Variants in MKLN1 observed in about 807,000 individuals in gnomAD.
The protein encoded by MKLN1 is muskelin.
In MKLN1, 18 loss-of-function variants were observed where a neutral mutation model predicts 99.0. The observed-to-expected ratio is 0.18, with a 90% CI of 0.13 to 0.27. The LOEUF (loss-of-function observed/expected upper bound fraction) is 0.27. MKLN1 is among the 10% of genes least tolerant of loss of function. The probability of loss-of-function intolerance (pLI) is 1.00; values close to 1 mark genes in which losing one functional copy is unlikely to be tolerated. For missense variants in MKLN1, 621 were observed against 875.9 expected (o/e 0.71, Z 3.67); for synonymous variants, 288 against 293.2 (o/e 0.98, Z 0.18).
intron 3 of MKLN1, among the ~76,000 whole-genome samples, chr7:131,214,300 G>A (rs1301729663): frequency 1.3e-5 from 2 of 152,136 alleles, no homozygotes; most frequent in Admixed American, 6.6e-5. Flanking sequence ...GTTTTGGCAC[G>A]GGCTTCTGTT....
At chr7:131,217,246 A>G (rs1796995965) in intron 3 of MKLN1, among the ~76,000 whole-genome samples, 2 of 152,252 alleles carry the variant, frequency 1.3e-5, no homozygotes, top group African/African-American at 2.4e-5. Flanking sequence ...TAAGAAGTAT[A>G]AAAATAAATT....
At chr7:131,383,544 A>G (rs1435166603) in intron 2 of MKLN1, among the ~76,000 whole-genome samples, 1 of 152,220 alleles carries the variant, frequency 6.6e-6, no homozygotes, top group Admixed American at 6.5e-5. Flanking sequence ...ATGAGAAATC[A>G]TGAACCACTG....
At chr7:131,482,120 A>G (rs776990607) in intron 17 of MKLN1, among the ~76,000 whole-genome samples, 1 of 152,218 alleles carries the variant, frequency 6.6e-6, no homozygotes, top group Non-Finnish European at 1.5e-5. Flanking sequence ...AATTGGAGCA[A>G]TTAAACTTAT....
intron 3 of MKLN1, among the ~76,000 whole-genome samples, chr7:131,283,712 A>G (rs1323326830): frequency 6.6e-6 from 1 of 151,918 alleles, no homozygotes; most frequent in Admixed American, 6.6e-5. Flanking sequence ...CTGGGATAAC[A>G]GGCGTGTGCC....
At chr7:131,159,124 T>C (rs1584798301) in intron 2 of MKLN1, among the ~76,000 whole-genome samples, 1 of 151,480 alleles carries the variant, frequency 6.6e-6, no homozygotes, top group South Asian at 2.1e-4. Context: ...AGCCCGGAGG[T>C]GGAGGTTGCA....
chr7:131,192,118 T>C (rs1482005533), intron 2 of MKLN1, among the ~76,000 whole-genome samples: 2 of 84,602 alleles, frequency 2.4e-5, no homozygotes, highest in Admixed American at 3.3e-4. Context: ...ATTATATATA[T>C]ACGTATATAT....
intron 1 of MKLN1, among the ~76,000 whole-genome samples, chr7:131,348,963 T>C (rs576210288): frequency 2.0e-4 from 31 of 152,176 alleles, no homozygotes; most frequent in Non-Finnish European, 4.3e-4. Flanking sequence ...ATTTAGATTC[T>C]GAAGGTATTT....
chr7:131,388,957 C>T lies in MKLN1; in HGVS notation c.385C>T (p.Arg129Ter). ...AATTGATGAACAGATGTTCCCTTGT[C>T]GATTCATTAAAATAGGTAAGATTTT... is the stretch of plus-strand genomic sequence containing the variant. ...HKIDEQMFPCRFIKIVPLLSW... is the reference protein window; with the variant it reads ...HKIDEQMFPC The change falls in exon 4 of 18, where the codon CGA becomes TGA. Residue 129 changes from arginine to a stop codon, truncating the protein, a stop_gained. Coordinates refer to ENST00000352689, the MANE Select transcript of MKLN1 (RefSeq NM_013255.5). LOFTEE classifies it high-confidence loss of function. 6.2e-7 allele frequency: 1 copy of T among 1,601,782 alleles called. No homozygotes were observed. Among genetic ancestry groups the T allele is most frequent in the Non-Finnish European group, 8.5e-7 (1 of 1,172,148 alleles).
intron 1 of MKLN1, among the ~76,000 whole-genome samples, chr7:131,116,038 G>T (rs1325800268): frequency 6.6e-6 from 1 of 152,308 alleles, no homozygotes; most frequent in East Asian, 1.9e-4. Context: ...GGGCACGGTG[G>T]CTCACGCCTG....
chr7:131,307,406 C>T (rs1258783746), intron 3 of MKLN1, among the ~76,000 whole-genome samples: 1 of 152,136 alleles, frequency 6.6e-6, no homozygotes, highest in Non-Finnish European at 1.5e-5. Flanking sequence ...GACAACCATC[C>T]TCCAGGCCCC....
chr7:131,485,332 G>A (rs971772483), intron 17 of MKLN1, among the ~76,000 whole-genome samples: 1 of 152,042 alleles, frequency 6.6e-6, no homozygotes, highest in Non-Finnish European at 1.5e-5. Flanking sequence ...GGGAGGAGGG[G>A]AAGAAACAGC....
chr7:131,443,454 A>G (rs776929239), intron 10 of MKLN1, 27 bp from the exon 11 acceptor site: 2 of 1,507,130 alleles, frequency 1.3e-6, no homozygotes, highest in African/African-American at 1.4e-5. Context: ...AACTAAAACT[A>G]TTCAATCTGT....
intron 7 of MKLN1, 71 bp downstream of exon 7, chr7:131,411,454 C>A (rs1794871948): frequency 1.9e-6 from 2 of 1,026,128 alleles, no homozygotes; most frequent in African/African-American, 1.6e-5. Context: ...CAAGGTAGTT[C>A]AAGTATCATA....
At chr7:131,386,132 G>C (rs1430116407) in intron 2 of MKLN1, among the ~76,000 whole-genome samples, 1 of 151,288 alleles carries the variant, frequency 6.6e-6, no homozygotes, top group Admixed American at 6.6e-5. Flanking sequence ...TCCTGCCTCA[G>C]CCTCCTGAGT....
chr7:131,366,088 C>T (rs1038969633), intron 1 of MKLN1, among the ~76,000 whole-genome samples: 5 of 152,118 alleles, frequency 3.3e-5, no homozygotes, highest in Non-Finnish European at 7.4e-5. Flanking sequence ...CTGATTACAG[C>T]TGAAAGAAAT....
At chr7:131,345,713 CA>C (rs200720849) in intron 1 of MKLN1, among the ~76,000 whole-genome samples, 3 of 148,060 alleles carry the variant, frequency 2.0e-5, no homozygotes, top group African/African-American at 5.0e-5. Flanking sequence ...GACTGTGTCT[CA>C]AAAAAAAAAT....
At chr7:131,381,179 A>C (rs1793836287) in intron 2 of MKLN1, among the ~76,000 whole-genome samples, 1 of 152,174 alleles carries the variant, frequency 6.6e-6, no homozygotes, top group Non-Finnish European at 1.5e-5. Flanking sequence ...ACTACTTTGG[A>C]AGAAGCTTAT....
intron 1 of MKLN1, among the ~76,000 whole-genome samples, chr7:131,142,253 A>G (rs899636454): frequency 1.1e-4 from 17 of 152,104 alleles, no homozygotes; most frequent in Non-Finnish European, 2.2e-4. Flanking sequence ...TAAAAATACA[A>G]GAAACACATT....
chr7:131,384,607 G>C (rs188421548), intron 2 of MKLN1, among the ~76,000 whole-genome samples: 6 of 152,260 alleles, frequency 3.9e-5, no homozygotes, highest in African/African-American at 1.4e-4. Context: ...TAAAGCCATC[G>C]ATTTGTTATA....
Sources: allele counts gnomAD v4.1 joint callset (sites outside exome capture counted in the v4.1 genomes callset), GRCh38; gene constraint gnomAD v4.1.1; transcripts MANE v1.5; gene names NCBI Gene and HGNC (gene_info 2026-07-23, HGNC 2026-07-21).